GPM6B: variants seen among roughly 807,000 people sequenced by gnomAD.
GPM6B encodes the protein glycoprotein M6B.
In GPM6B, 4 loss-of-function variants were observed where a neutral mutation model predicts 27.2. The ratio of observed to expected loss-of-function variants is 0.15; its 90% confidence interval spans 0.07 to 0.34. The LOEUF is 0.34. GPM6B is among the 10% of genes least tolerant of loss of function. The pLI, the probability that GPM6B is intolerant of heterozygous loss-of-function variation, is 1.00. For synonymous variants in GPM6B, 124 were observed against 103.1 expected (o/e 1.20, Z -1.23); for missense variants, 183 against 261.9 (o/e 0.70, Z 2.08).
In GPM6B at chrX:13,787,041, C is replaced by CAAAAAAAAAAAAAAAAAAAAAAA. The variant is rs869123073; in HGVS notation, c.182-1256_182-1234dup. 2.0e-4 allele frequency among the ~76,000 whole-genome samples: 5 copies of CAAAAAAAAAAAAAAAAAAAAAAA among 24,511 alleles called. 2 individuals are homozygous for CAAAAAAAAAAAAAAAAAAAAAAA. The highest frequency in any genetic ancestry group is 1.0e-3 in the African/African-American group (5 of 4,883). 21.3% of individuals were successfully genotyped at this position (24,511 alleles called of 115,157 possible). A position where few individuals can be genotyped will look rare whatever the true frequency, so the allele number is the denominator to read the frequency against. On this transcript the variant is annotated intron_variant, in intron 2 of 7. Transcript: ENST00000316715. The stretch of plus-strand genomic sequence containing the variant: ...CTTTAGGGCAAGCACATTAAGCCAG[C>CAAAAAAAAAAAAAAAAAAAAAAA]AAAAAAAAAAAAAAAAAAAAAAAAA...
At chrX:13,860,479 A>G (rs2049832170) in intron 1 of GPM6B, among the ~76,000 whole-genome samples, 1 of 106,919 alleles carries the variant, frequency 9.4e-6, no homozygotes, top group Non-Finnish European at 1.9e-5. Flanking sequence ...CACACAAAAT[A>G]AGCTATGCTG....
intron 1 of GPM6B, among the ~76,000 whole-genome samples, chrX:13,931,100 C>T (rs1230427576): frequency 3.6e-5 from 4 of 111,723 alleles, no homozygotes; most frequent in Non-Finnish European, 5.6e-5. Context: ...AGGAGAATCG[C>T]TTGGACCCAA....
At chrX:13,903,274 TA>T (rs1471118046) in intron 1 of GPM6B, among the ~76,000 whole-genome samples, 3 of 111,712 alleles carry the variant, frequency 2.7e-5, no homozygotes, top group African/African-American at 9.8e-5. Flanking sequence ...TATACCAGGC[TA>T]ACCCCCAGCG....
rs57849359 is a variant in GPM6B at position 13,880,675 on chromosome X, C to CAAAA, written c.-198+57648_-198+57651dup. On this transcript the variant is annotated intron_variant, in intron 1 of 6. Coordinates refer to the GPM6B transcript ENST00000398361. ...TGGGAGACAGAGCAAGGCTCCATCTCAAAAAAAAAAAAAAAAGGCAAATCA... is the reference window on the plus strand; with the variant it reads ...TGGGAGACAGAGCAAGGCTCCATCTCAAAAAAAAAAAAAAAAAAAAGGCAAATCA... Among the ~76,000 whole-genome samples the CAAAA allele has an allele frequency of 1.3e-3, 61 of 46,609 alleles. 5 individuals carry two copies. The highest frequency in any genetic ancestry group is 6.2e-3 in the African/African-American group (53 of 8,486). The allele number at this position is 46,609 out of a possible 115,157, so 40.5% of individuals were successfully genotyped here. A position where few individuals can be genotyped will look rare whatever the true frequency, so the allele number is the denominator to read the frequency against.
At chrX:13,829,264 A>G (rs1400652988) in intron 1 of GPM6B, among the ~76,000 whole-genome samples, 3 of 111,158 alleles carry the variant, frequency 2.7e-5, no homozygotes, top group African/African-American at 9.8e-5. Flanking sequence ...CCCCACTCCA[A>G]TGCTTACCAG....
chrX:13,826,551 TAC>T, intron 1 of GPM6B, among the ~76,000 whole-genome samples: 1 of 96,243 alleles, frequency 1.0e-5, no homozygotes, highest in African/African-American at 4.2e-5. Flanking sequence ...TTAAAATACA[TAC>T]ATACATACAC....
intron 1 of GPM6B, among the ~76,000 whole-genome samples, chrX:13,926,755 A>G (rs1353504624): frequency 8.9e-6 from 1 of 112,402 alleles, no homozygotes; most frequent in African/African-American, 3.2e-5. Context: ...ATAGAATCCC[A>G]ATGGAATAAA....
chrX:13,836,379 C>A (rs1216635191), intron 1 of GPM6B, among the ~76,000 whole-genome samples: 1 of 111,819 alleles, frequency 8.9e-6, no homozygotes, highest in Admixed American at 9.5e-5. Flanking sequence ...TCATTTAATA[C>A]CTGCATGCAT....
rs144842659 is a variant in GPM6B at position 13,824,899 on chromosome X, G to A, written c.-197-39091C>T. ...AGAAGTCCAAAGTCAAGGTGTGGGCGGGGCCGTGTTTTCCATGTTTTCTCT... is the reference window on the plus strand; with the variant it reads ...AGAAGTCCAAAGTCAAGGTGTGGGCAGGGCCGTGTTTTCCATGTTTTCTCT... On this transcript the variant is annotated intron_variant, in intron 1 of 6. Transcript: ENST00000398361. Among the ~76,000 whole-genome samples, 450 of 111,926 alleles carry A rather than the reference G, an allele frequency of 4.0e-3. 4 individuals carry two copies. Among genetic ancestry groups the A allele is most frequent in the African/African-American group, 0.014 (429 of 30,772 alleles).
chrX:13,865,580 GAAAAGAAAAAAAAAAC>G (rs1307983410), intron 1 of GPM6B, among the ~76,000 whole-genome samples: 1 of 46,423 alleles, frequency 2.2e-5, no homozygotes, highest in Non-Finnish European at 4.6e-5. Flanking sequence ...AGAAAGAAAA[GAAAAGAAAAAAAAAAC>G]AAAGAAAAAT....
chrX:13,907,999 G>A (rs2050345231), intron 1 of GPM6B, among the ~76,000 whole-genome samples: 1 of 111,987 alleles, frequency 8.9e-6, no homozygotes, highest in African/African-American at 3.2e-5. Flanking sequence ...CAAAAGCACA[G>A]CTATTTGAAA....
upstream of GPM6B, among the ~76,000 whole-genome samples, chrX:13,821,402 T>C (rs141786108): frequency 9.0e-4 from 101 of 112,206 alleles, no homozygotes; most frequent in African/African-American, 3.0e-3. Flanking sequence ...ATATGCTTTG[T>C]GTGTCTGGGA....
At chrX:13,777,771 C>G (rs1470737112) in intron 5 of GPM6B, among the ~76,000 whole-genome samples, 2 of 112,214 alleles carry the variant, frequency 1.8e-5, no homozygotes, top group Non-Finnish European at 3.8e-5. Context: ...GGACAACCCC[C>G]TCATAAAGCA....
chrX:13,861,101 CATATACACACATAT>C (rs1223152881), intron 1 of GPM6B, among the ~76,000 whole-genome samples: 2 of 104,574 alleles, frequency 1.9e-5, no homozygotes, highest in African/African-American at 7.1e-5. Flanking sequence ...TATACACATA[CATATACACACATAT>C]ATATACACAT....
chrX:13,846,315 C>T (rs1333797613), intron 1 of GPM6B, among the ~76,000 whole-genome samples: 3 of 110,831 alleles, frequency 2.7e-5, no homozygotes, highest in Non-Finnish European at 5.7e-5. Context: ...TGGATACTTC[C>T]CAGGCCCTCC....
intron 2 of GPM6B, among the ~76,000 whole-genome samples, chrX:13,794,152 T>A (rs1471436241): frequency 9.1e-6 from 1 of 110,039 alleles, no homozygotes; most frequent in Non-Finnish European, 1.9e-5. Context: ...TTTGCAGACC[T>A]CTGTTAAAGA....
chrX:13,889,246 C>T (rs1479663709), intron 1 of GPM6B, among the ~76,000 whole-genome samples: 6 of 111,718 alleles, frequency 5.4e-5, no homozygotes, highest in African/African-American at 9.8e-5. Flanking sequence ...TTCCACAATT[C>T]CTCCAGTAGC....
At chrX:13,791,313 G>A (rs1172616678) in intron 2 of GPM6B, among the ~76,000 whole-genome samples, 1 of 110,343 alleles carries the variant, frequency 9.1e-6, no homozygotes, top group African/African-American at 3.3e-5. Context: ...GGGTTCAAGT[G>A]AGTCTTATGC....
At chrX:13,889,894 A>G (rs760725880) in intron 1 of GPM6B, among the ~76,000 whole-genome samples, 71 of 110,776 alleles carry the variant, frequency 6.4e-4, no homozygotes, top group African/African-American at 2.2e-3. Context: ...TTTACAGGGG[A>G]GGAAGACTGA....
Sources: allele counts gnomAD v4.1 joint callset (sites outside exome capture counted in the v4.1 genomes callset), GRCh38; gene constraint gnomAD v4.1.1; transcripts MANE v1.5; gene names NCBI Gene and HGNC (gene_info 2026-07-23, HGNC 2026-07-21).